The following ZNF592 variants were observed in gnomAD, a reference collection of about 807,000 sequenced individuals.
The protein encoded by ZNF592 is zinc finger protein 592, also known as spinocerebellar ataxia, autosomal recessive 5.
In ZNF592, 11 loss-of-function variants were observed where a neutral mutation model predicts 80.3. The observed-to-expected ratio is 0.14, with a 90% CI of 0.09 to 0.23. The LOEUF is 0.23. Among genes scored for constraint, ZNF592 ranks in the 10% least tolerant of loss-of-function variants. The pLI, the probability that ZNF592 is intolerant of heterozygous loss-of-function variation, is 1.00. For synonymous variants in ZNF592, 646 were observed against 640.3 expected (o/e 1.01, Z -0.13); for missense variants, 1,420 against 1,633.9 (o/e 0.87, Z 2.26).
rs1962543555 is a variant in ZNF592, at chr15:84,784,834, T to C, written c.2159T>C (p.Met720Thr). 1 of 1,614,042 alleles carries C rather than the reference T, an allele frequency of 6.2e-7. No individual in the cohort carries two copies. ...SIKCLECHKQMRDYMVLAAHF... is the reference protein window; with the variant it reads ...SIKCLECHKQTRDYMVLAAHF... ...AAGTGTCTTGAATGTCACAAGCAGA[T>C]GCGGGACTACATGGTCCTGGCTGCA... Residue 720 changes from methionine (M) to threonine (T), a missense_variant, in exon 4 of 11, where the codon ATG becomes ACG. This residue lies in a region of ZNF592 where 524 missense variants were observed against 628.3 expected (regional missense o/e 0.83). Coordinates refer to ENST00000560079, the MANE Select transcript of ZNF592 (RefSeq NM_014630.3). The surrounding 1 kb of genome is among the most constrained non-coding windows in gnomAD (Gnocchi z 5.8).
rs766576778 is a variant in ZNF592, at chr15:84,783,924, G to T, written c.1249G>T (p.Ala417Ser). ...GSPLGSAIAE[A>S]PSEMPGDEVP... ...ACCTCTAGGGAGCGCCATTGCAGAG[G>T]CCCCCAGCGAGATGCCAGGGGATGA... The change falls in exon 4 of 11, where the codon GCC becomes TCC. Residue 417 changes from alanine to serine, a missense_variant. Ala to Ser is a moderately conservative substitution (Grantham distance 99, BLOSUM62 1). This residue lies in a region of ZNF592 where 524 missense variants were observed against 628.3 expected (regional missense o/e 0.83). Transcript: ENST00000560079. The surrounding 1 kb of genome is among the most constrained non-coding windows in gnomAD (Gnocchi z 5.0). The T allele has an allele frequency of 1.9e-6, 3 of 1,614,068 alleles. No individual in the cohort carries two copies. In the South Asian group the frequency reaches 3.3e-5, roughly 18 times the overall value.
Position 84,799,333 on chromosome 15 carries a change from TG to T in ZNF592, c.3137+125del, listed in dbSNP as rs1446485438. 1 of 1,057,952 alleles carries T rather than the reference TG, an allele frequency of 9.5e-7. No homozygotes were observed. Among genetic ancestry groups the T allele is most frequent in the East Asian group, 2.5e-5 (1 of 40,518 alleles). 65.5% of individuals were successfully genotyped at this position (1,057,952 alleles called of 1,614,324 possible). On this transcript the variant is annotated intron_variant, in intron 9 of 10. Transcript: ENST00000560079. The surrounding 1 kb of genome is among the most constrained non-coding windows in gnomAD (Gnocchi z 4.2). ...AGACAAGAGACAAGTGATTTCCAAC[TG>T]GAAGAAATTGCGGCTAAGTCAGAAA...
intron 1 of ZNF592, among the ~76,000 whole-genome samples, chr15:84,762,989 A>G (rs1490951859): frequency 5.3e-5 from 8 of 152,178 alleles, no homozygotes; most frequent in Admixed American, 5.2e-4. Context: ...TTGTGTCATC[A>G]TTATGGCAAG....
chr15:84,795,652 A>G (rs544176162), intron 5 of ZNF592, among the ~76,000 whole-genome samples: 1 of 152,362 alleles, frequency 6.6e-6, no homozygotes, highest in Non-Finnish European at 1.5e-5. Context: ...TTTTCTCCTC[A>G]TAATACTTTG....
rs1269077768 is a variant in ZNF592 at position 84,799,023 on chromosome 15, G to A, written c.3025-75G>A. ...GGGAGTATCCTCCTTTCTGCCCATG[G>A]CATCTGAGAAGAAAAATGCACCCAG... On this transcript the variant is annotated intron_variant, in intron 8 of 10. Coordinates refer to ENST00000560079, the MANE Select transcript of ZNF592 (RefSeq NM_014630.3). The surrounding 1 kb of genome is among the most constrained non-coding windows in gnomAD (Gnocchi z 4.2). 11 of 1,596,346 alleles carry A rather than the reference G, an allele frequency of 6.9e-6. No homozygotes were observed. Among genetic ancestry groups the A allele is most frequent in the Non-Finnish European group, 6.9e-6 (8 of 1,164,152 alleles).
chr15:84,791,354 A>G (rs551369349), intron 5 of ZNF592, among the ~76,000 whole-genome samples: 1 of 152,304 alleles, frequency 6.6e-6, no homozygotes, highest in African/African-American at 2.4e-5. Context: ...TTTGTGGCAA[A>G]ATGGGCAAAA....
chr15:84,770,517 G>C (rs547421357), intron 2 of ZNF592, among the ~76,000 whole-genome samples: 36 of 152,256 alleles, frequency 2.4e-4, no homozygotes, highest in African/African-American at 8.4e-4. Flanking sequence ...GTTTCCAGTG[G>C]ATTATGTATG....
intron 5 of ZNF592, among the ~76,000 whole-genome samples, chr15:84,797,116 A>C (rs1437101672): frequency 6.6e-6 from 1 of 152,120 alleles, no homozygotes; most frequent in Non-Finnish European, 1.5e-5. Flanking sequence ...ACGTGCCACC[A>C]TGCCCACTAA....
chr15:84,778,996 C>A (rs192440752), intron 3 of ZNF592, among the ~76,000 whole-genome samples: 1 of 151,876 alleles, frequency 6.6e-6, no homozygotes. Flanking sequence ...CAGGGACACA[C>A]GTGGAGTGGT....
intron 1 of ZNF592, among the ~76,000 whole-genome samples, chr15:84,758,108 G>A (rs866686556): frequency 1.1e-4 from 16 of 151,846 alleles, no homozygotes; most frequent in African/African-American, 3.9e-4. Flanking sequence ...GAGTAGCTGG[G>A]ACTACAGGCG....
At chr15:84,800,446 A>AT (rs1373867904) in intron 10 of ZNF592, among the ~76,000 whole-genome samples, 2 of 152,028 alleles carry the variant, frequency 1.3e-5, no homozygotes, top group African/African-American at 4.8e-5. Context: ...TCCCTGTTCC[A>AT]TGCCCTATTC....
intron 1 of ZNF592, among the ~76,000 whole-genome samples, chr15:84,753,731 C>T (rs1433552540): frequency 6.6e-6 from 1 of 152,202 alleles, no homozygotes; most frequent in Non-Finnish European, 1.5e-5. Context: ...CCTTGGCCTC[C>T]TAAAGTGCTG....
intron 3 of ZNF592, among the ~76,000 whole-genome samples, chr15:84,780,432 C>T (rs554806846): frequency 1.3e-5 from 2 of 152,346 alleles, no homozygotes; most frequent in East Asian, 3.9e-4. Context: ...TTTTCAGTGA[C>T]ATCCAGTATG....
intron 2 of ZNF592, among the ~76,000 whole-genome samples, chr15:84,765,230 T>C (rs1313519477): frequency 6.6e-6 from 1 of 152,212 alleles, no homozygotes; most frequent in East Asian, 1.9e-4. Flanking sequence ...TGATATTCCA[T>C]TGTGTGTATA....
At position 84,805,185 on chromosome 15, in the gene ZNF592, G is replaced by C. The variant is rs1258553374; in HGVS notation, c.*2792G>C. 2.6e-5 allele frequency: 4 copies of C among 152,234 alleles called. No homozygotes were observed. The highest frequency in any genetic ancestry group is 2.1e-4 in the South Asian group (1 of 4,810). The allele number at this position is 152,234 out of a possible 1,614,324, so 9.4% of individuals were successfully genotyped here. On this transcript the variant is annotated 3_prime_UTR_variant, in exon 11 of 11. Coordinates refer to ENST00000560079, the MANE Select transcript of ZNF592 (RefSeq NM_014630.3). ...TCACACCGTTGACATTTCGAAACGT[G>C]GTATCTCTACAACCTTTCATTCTCA...
chr15:84,790,277 T>C (rs1204434754), intron 4 of ZNF592, among the ~76,000 whole-genome samples: 2 of 152,112 alleles, frequency 1.3e-5, no homozygotes, highest in African/African-American at 2.4e-5. Context: ...AGCAGGTCTC[T>C]ACCAGGCCAA....
chr15:84,779,122 A>G (rs535759817), intron 3 of ZNF592, among the ~76,000 whole-genome samples: 3 of 152,372 alleles, frequency 2.0e-5, no homozygotes, highest in Non-Finnish European at 4.4e-5. Context: ...AGGTCCCTCT[A>G]TAAGGGCTTT....
intron 1 of ZNF592, among the ~76,000 whole-genome samples, chr15:84,763,144 C>G (rs1297674932): frequency 1.3e-5 from 2 of 152,160 alleles, no homozygotes; most frequent in Non-Finnish European, 2.9e-5. Context: ...GCAGCTTGGT[C>G]CTTGGGGGCA....
At chr15:84,800,203 C>T (rs1013607443) in intron 10 of ZNF592, among the ~76,000 whole-genome samples, 2 of 152,176 alleles carry the variant, frequency 1.3e-5, no homozygotes, top group Non-Finnish European at 2.9e-5. Context: ...CTGTTGCTTC[C>T]CTGTCACCAC....
Sources: gnomAD v4.1 joint callset for allele counts (sites outside exome capture counted in the v4.1 genomes callset) on GRCh38, gnomAD v4.1.1 for gene constraint, gnomAD v4.1.1 regional missense constraint, Gnocchi (gnomAD v3.1) non-coding constraint, MANE v1.5 for transcripts, NCBI Gene and HGNC (gene_info 2026-07-23, HGNC 2026-07-21) for gene names.